The following NKAIN2 variants were observed in gnomAD, a reference collection of about 807,000 sequenced individuals.
NKAIN2 encodes the protein sodium/potassium-transporting ATPase subunit beta-1-interacting protein 2.
NKAIN2 carries 14 observed loss-of-function variants against 32.6 expected under a neutral mutation model. The ratio of observed to expected loss-of-function variants is 0.43; its 90% CI spans 0.28 to 0.67. The LOEUF is 0.67. Among genes scored for constraint, NKAIN2 ranks in the 30% least tolerant of loss-of-function variants. The pLI is 0.17. For missense variants in NKAIN2, 198 were observed against 258.3 expected (o/e 0.77, Z 1.60); for synonymous variants, 80 against 87.2 (o/e 0.92, Z 0.46).
chr6:124,562,369 G>A (rs1045467558), intron 3 of NKAIN2, among the ~76,000 whole-genome samples: 1 of 152,066 alleles, frequency 6.6e-6, no homozygotes, highest in African/African-American at 2.4e-5. Context: ...CAATAGCTAA[G>A]GCATACATGT....
chr6:124,443,426 G>C (rs988630356), intron 3 of NKAIN2, among the ~76,000 whole-genome samples: 2 of 152,062 alleles, frequency 1.3e-5, no homozygotes, highest in African/African-American at 4.8e-5. Context: ...GTTTCTGATC[G>C]CATATGACAT....
chr6:124,421,386 G>T (rs1424781634), intron 3 of NKAIN2, among the ~76,000 whole-genome samples: 2 of 152,232 alleles, frequency 1.3e-5, no homozygotes, highest in South Asian at 4.1e-4. Flanking sequence ...TGGAGATGAC[G>T]TCTCAGTTAC....
chr6:124,114,600 A>G lies in NKAIN2; in HGVS notation c.55-168405A>G, dbSNP rs150348328. On this transcript the variant is annotated intron_variant, in intron 1 of 6. Coordinates refer to ENST00000368417, the MANE Select transcript of NKAIN2 (RefSeq NM_001040214.3). Reference sequence around the variant, plus strand: ...CACTAAGGGAGGAATTTTAAGTAGAAAAGAGCTGAGAACTAAGCCCTGGAC... The same window carrying G: ...CACTAAGGGAGGAATTTTAAGTAGAGAAGAGCTGAGAACTAAGCCCTGGAC... Among the ~76,000 whole-genome samples, 20 of 152,248 alleles carry G rather than the reference A, an allele frequency of 1.3e-4. No homozygotes were observed. The East Asian group carries it at 2.5e-3, about 19-fold the overall frequency.
intron 2 of NKAIN2, among the ~76,000 whole-genome samples, chr6:124,334,944 C>G (rs887072345): frequency 9.9e-5 from 15 of 152,114 alleles, no homozygotes; most frequent in African/African-American, 3.6e-4. Flanking sequence ...TAGGTCAGAT[C>G]TTTTTCACTG....
chr6:123,827,769 A>G (rs746427733), intron 1 of NKAIN2, among the ~76,000 whole-genome samples: 3 of 152,104 alleles, frequency 2.0e-5, no homozygotes, highest in Admixed American at 2.0e-4. Context: ...TCTAGAGACA[A>G]AGGTAGGGAT....
At chr6:124,114,728 A>G (rs1027939508) in intron 1 of NKAIN2, among the ~76,000 whole-genome samples, 4 of 152,150 alleles carry the variant, frequency 2.6e-5, no homozygotes, top group Admixed American at 2.0e-4. Context: ...CAGAAGCCCA[A>G]TAAAGGAGAG....
intron 1 of NKAIN2, among the ~76,000 whole-genome samples, chr6:124,092,563 C>T (rs1784480212): frequency 6.6e-6 from 1 of 152,016 alleles, no homozygotes; most frequent in South Asian, 2.1e-4. Flanking sequence ...CTAGACTCTA[C>T]CACTTCATAA....
At position 124,564,485 on chromosome 6, in the gene NKAIN2, A is replaced by AC. The variant is rs67910307; in HGVS notation, c.274-93693dup. Among the ~76,000 whole-genome samples, 396 of 151,216 alleles carry AC rather than the reference A, an allele frequency of 2.6e-3. 1 individual carries two copies. The highest frequency in any genetic ancestry group is 8.9e-3 in the African/African-American group (362 of 40,846). On this transcript the variant is annotated intron_variant, in intron 3 of 6. Coordinates refer to ENST00000368417, the MANE Select transcript of NKAIN2 (RefSeq NM_001040214.3). Reference sequence around the variant, plus strand: ...CAAATAAGAGAATAAAAGCTGGCCAACCCCCCCCTCCCCCACCAGCCAGCA... The same window carrying AC: ...CAAATAAGAGAATAAAAGCTGGCCAACCCCCCCCCTCCCCCACCAGCCAGCA...
intron 4 of NKAIN2, among the ~76,000 whole-genome samples, chr6:124,688,660 G>GCAACTA (rs1774110447): frequency 6.6e-6 from 1 of 151,902 alleles, no homozygotes; most frequent in Non-Finnish European, 1.5e-5. Context: ...CTAACCTCTA[G>GCAACTA]CAACTACTGT....
intron 4 of NKAIN2, among the ~76,000 whole-genome samples, chr6:124,670,677 G>A (rs1043311871): frequency 5.3e-5 from 8 of 151,224 alleles, no homozygotes; most frequent in Non-Finnish European, 1.0e-4. Context: ...GTGTGTGTGT[G>A]TGTTGCATAA....
chr6:124,144,677 A>C (rs9401723), intron 1 of NKAIN2, among the ~76,000 whole-genome samples: 129,157 of 152,032 alleles, frequency 0.85, 54,942 homozygotes, highest in African/African-American at 0.9. Context: ...AACTGTAAAT[A>C]ATTTAACATA....
rs181056873 is a variant in NKAIN2 at position 124,179,314 on chromosome 6, C to T, written c.55-103691C>T. Among the ~76,000 whole-genome samples, 317 of 152,264 alleles carry T rather than the reference C, an allele frequency of 2.1e-3. 2 individuals carry two copies. Among genetic ancestry groups the T allele is most frequent in the African/African-American group, 7.4e-3 (306 of 41,554 alleles). ...CAGACCTTTACTGTCTCATTTAACA[C>T]TAGACATGTTCTTCAGCTATTCTGT... On this transcript the variant is annotated intron_variant, in intron 1 of 6. Coordinates refer to ENST00000368417, the MANE Select transcript of NKAIN2 (RefSeq NM_001040214.3).
chr6:124,720,380 T>C (rs1481509899), intron 4 of NKAIN2, among the ~76,000 whole-genome samples: 1 of 152,178 alleles, frequency 6.6e-6, no homozygotes, highest in Admixed American at 6.5e-5. Context: ...TGCTGAGTAT[T>C]AGGATGCTTG....
At chr6:123,916,090 T>C (rs1775479255) in intron 1 of NKAIN2, among the ~76,000 whole-genome samples, 1 of 152,028 alleles carries the variant, frequency 6.6e-6, no homozygotes, top group Non-Finnish European at 1.5e-5. Flanking sequence ...TTCTAGAAAA[T>C]TTTACAACAG....
At chr6:123,976,283 C>A (rs150766480) in intron 1 of NKAIN2, among the ~76,000 whole-genome samples, 12 of 73,450 alleles carry the variant, frequency 1.6e-4, no homozygotes, top group East Asian at 4.4e-4. Flanking sequence ...ATATATGTTT[C>A]CATATATATG....
At chr6:124,699,952 G>T (rs1774691394) in intron 4 of NKAIN2, among the ~76,000 whole-genome samples, 1 of 152,104 alleles carries the variant, frequency 6.6e-6, no homozygotes, top group Non-Finnish European at 1.5e-5. Flanking sequence ...CATTATTTTT[G>T]TCAACAAACA....
intron 1 of NKAIN2, among the ~76,000 whole-genome samples, chr6:124,138,040 G>T (rs1204191007): frequency 1.3e-5 from 2 of 151,944 alleles, no homozygotes. Flanking sequence ...AAAAAGCAAA[G>T]AAATAATCTG....
intron 5 of NKAIN2, among the ~76,000 whole-genome samples, chr6:124,818,184 A>G (rs973313418): frequency 2.6e-5 from 4 of 152,108 alleles, no homozygotes; most frequent in African/African-American, 9.7e-5. Flanking sequence ...GAATCTTACA[A>G]TGAGCAGTGG....
At chr6:123,962,728 G>T (rs564918998) in intron 1 of NKAIN2, among the ~76,000 whole-genome samples, 10 of 152,100 alleles carry the variant, frequency 6.6e-5, no homozygotes, top group Non-Finnish European at 1.5e-4. Flanking sequence ...ATGTAACCAC[G>T]CCACGTGAGG....
Sources: gnomAD v4.1 joint callset for allele counts (sites outside exome capture counted in the v4.1 genomes callset) on GRCh38, gnomAD v4.1.1 for gene constraint, MANE v1.5 for transcripts, NCBI Gene and HGNC (gene_info 2026-07-23, HGNC 2026-07-21) for gene names.